Variants in USH2A observed in about 807,000 individuals in gnomAD.
USH2A encodes the protein Usher syndrome 2A (autosomal recessive, mild).
USH2A carries 443 observed loss-of-function variants against 538.9 expected under a neutral mutation model. The observed-to-expected ratio is 0.82, with a 90% CI of 0.76 to 0.89. The LOEUF (loss-of-function observed/expected upper bound fraction) is 0.89. Ranked by LOEUF, USH2A falls within the 40% of genes least tolerant of loss-of-function variation. The pLI is 0.00. For synonymous variants in USH2A, 2,413 were observed against 2,273.5 expected (o/e 1.06, Z -1.75); for missense variants, 6,633 against 6,324.8 (o/e 1.05, Z -1.65).
At chr1:215,700,599 G>A (rs915542411) in intron 61 of USH2A, among the ~76,000 whole-genome samples, 11 of 152,254 alleles carry the variant, frequency 7.2e-5, no homozygotes, top group African/African-American at 2.4e-4. Flanking sequence ...TTATGTAAAG[G>A]TGTTTATAGT....
At chr1:216,410,540 C>T (rs888527896) in intron 3 of USH2A, among the ~76,000 whole-genome samples, 5 of 151,848 alleles carry the variant, frequency 3.3e-5, no homozygotes, top group Non-Finnish European at 7.4e-5. Flanking sequence ...ATAATGCCTG[C>T]GCCCCACCTA....
rs544029834 is a variant in USH2A at position 215,901,427 on chromosome 1, T to A, written c.7301-522A>T. 30 of 198,372 alleles carry A rather than the reference T, an allele frequency of 1.5e-4. No homozygotes were observed. The Admixed American group carries it at 1.6e-3, about 11-fold the overall frequency. The allele number at this position is 198,372 out of a possible 1,614,324, so 12.3% of individuals were successfully genotyped here. A position where few individuals can be genotyped will look rare whatever the true frequency, so the allele number is the denominator to read the frequency against. ...AATTGTATTTTTCTGGAATGATAAA[T>A]AAACATGAATGGCTGAATACAGTGT... On this transcript the variant is annotated intron_variant, in intron 38 of 71. Coordinates refer to ENST00000307340, the MANE Select transcript of USH2A (RefSeq NM_206933.4).
At chr1:216,277,715 A>G (rs909493300) in intron 11 of USH2A, among the ~76,000 whole-genome samples, 30 of 152,154 alleles carry the variant, frequency 2.0e-4, no homozygotes, top group Non-Finnish European at 1.5e-4. Flanking sequence ...AGCCTTCTAT[A>G]TAACTAGTTA....
intron 67 of USH2A, among the ~76,000 whole-genome samples, chr1:215,642,733 C>T (rs1035502527): frequency 3.3e-5 from 5 of 152,134 alleles, no homozygotes; most frequent in Non-Finnish European, 7.4e-5. Context: ...CCATCCCTTC[C>T]TAACTCTGTT....
At chr1:216,108,975 G>A (rs1223557858) in intron 21 of USH2A, among the ~76,000 whole-genome samples, 2 of 152,098 alleles carry the variant, frequency 1.3e-5, no homozygotes, top group East Asian at 1.9e-4. Context: ...TAGAACTGAA[G>A]TTGGGCTTTA....
intron 11 of USH2A, among the ~76,000 whole-genome samples, chr1:216,262,830 C>T (rs1197456616): frequency 1.3e-5 from 2 of 151,554 alleles, no homozygotes; most frequent in African/African-American, 4.8e-5. Context: ...AAAAACAATA[C>T]AAAAGCTCAA....
At chr1:216,335,788 A>T (rs561687847) in intron 4 of USH2A, among the ~76,000 whole-genome samples, 2 of 151,674 alleles carry the variant, frequency 1.3e-5, no homozygotes, top group African/African-American at 4.8e-5. Flanking sequence ...TTTTTTAAAA[A>T]TTTCCACAAA....
intron 38 of USH2A, among the ~76,000 whole-genome samples, chr1:215,923,476 C>A (rs1459642730): frequency 2.0e-5 from 3 of 152,012 alleles, no homozygotes; most frequent in Non-Finnish European, 4.4e-5. Flanking sequence ...AAGAGACATG[C>A]CTCTGTTTAC....
chr1:216,107,939 T>C (rs932299281), intron 21 of USH2A, among the ~76,000 whole-genome samples: 2 of 151,904 alleles, frequency 1.3e-5, no homozygotes, highest in Non-Finnish European at 2.9e-5. Flanking sequence ...TGTCCAATTA[T>C]TTGTACTATT....
rs1173761008 is a variant in USH2A, at chr1:216,207,280, GT to G, written c.3308del (p.Tyr1103SerfsTer9). ...CCAAACCCTTAAACTCACTGTATGG[GT>G]ATTGATCCTCTGTTGTGTAGATTTC... ...GFEIYTTEDQ[Y>X]PYSIQYFLDT... is the part of the protein sequence containing the mutation. On this transcript the variant is annotated frameshift_variant, in exon 16 of 72. Transcript: ENST00000307340. LOFTEE classifies it high-confidence loss of function. 6.2e-7 allele frequency: 1 copy of G among 1,613,906 alleles called. No individual in the cohort carries two copies. Among genetic ancestry groups the G allele is most frequent in the South Asian group, 1.1e-5 (1 of 91,074 alleles).
intron 38 of USH2A, among the ~76,000 whole-genome samples, chr1:215,933,090 T>C (rs1176262023): frequency 1.3e-5 from 2 of 151,960 alleles, no homozygotes; most frequent in Non-Finnish European, 2.9e-5. Context: ...TCAGTATAAA[T>C]ACCCTAAAAT....
chr1:216,046,979 A>C (rs2030545772), intron 31 of USH2A, among the ~76,000 whole-genome samples: 1 of 152,180 alleles, frequency 6.6e-6, no homozygotes, highest in Non-Finnish European at 1.5e-5. Flanking sequence ...TCATAATATA[A>C]ATTTTTAAAA....
chr1:215,970,515 C>T (rs1667466855), intron 36 of USH2A, 110 bp downstream of exon 36: 1 of 1,378,422 alleles, frequency 7.3e-7, no homozygotes, highest in African/African-American at 1.4e-5. Flanking sequence ...TCCCATCCTG[C>T]TTGAAAGGCT....
At chr1:215,958,527 T>C (rs1361175521) in intron 37 of USH2A, among the ~76,000 whole-genome samples, 1 of 152,164 alleles carries the variant, frequency 6.6e-6, no homozygotes, top group Non-Finnish European at 1.5e-5. Flanking sequence ...TTGATACCAA[T>C]ATTGAAATGA....
intron 49 of USH2A, among the ~76,000 whole-genome samples, chr1:215,811,829 C>T (rs139308841): frequency 0.047 from 7,101 of 151,644 alleles, 262 homozygotes; most frequent in South Asian, 0.14. Context: ...TCGCTTGAAC[C>T]TGGGAGGTGG....
intron 30 of USH2A, among the ~76,000 whole-genome samples, chr1:216,051,610 G>A (rs1416378651): frequency 6.6e-6 from 1 of 152,186 alleles, no homozygotes; most frequent in Non-Finnish European, 1.5e-5. Context: ...AAAGCATGTT[G>A]GAATATGAGG....
At chr1:216,416,456 A>T (rs1182485935) in intron 3 of USH2A, among the ~76,000 whole-genome samples, 3 of 152,150 alleles carry the variant, frequency 2.0e-5, no homozygotes, top group African/African-American at 7.2e-5. Flanking sequence ...TTATGCAAAA[A>T]AATAAATAAA....
At position 215,999,040 on chromosome 1, in the gene USH2A, T is replaced by C. The variant is rs1280040168; in HGVS notation, c.6504A>G (p.Lys2168=). ...TIHIQWKQPR[K]ISGILERYVL... ...CATAGCGTTCCAGAATCCCACTTAT[T>C]TTTCTTGGTTGTTTCCACCTGGGAA... Residue 2168 remains lysine, a synonymous_variant, in exon 34 of 72, where the codon AAA becomes AAG. Transcript: ENST00000307340. The C allele has an allele frequency of 6.8e-6, 11 of 1,611,706 alleles. No individual in the cohort carries two copies. The highest frequency in any genetic ancestry group is 8.5e-7 in the Non-Finnish European group (1 of 1,178,416).
At chr1:215,837,929 ATT>A in intron 47 of USH2A, 60 bp downstream of exon 47, 1 of 1,348,984 alleles carries the variant, frequency 7.4e-7, no homozygotes, top group South Asian at 1.2e-5. Flanking sequence ...GATACCTTTG[ATT>A]TTTATTTTCA....
Sources: allele counts gnomAD v4.1 joint callset (sites outside exome capture counted in the v4.1 genomes callset), GRCh38; gene constraint gnomAD v4.1.1; transcripts MANE v1.5; gene names NCBI Gene and HGNC (gene_info 2026-07-23, HGNC 2026-07-21).